Variants in GABPB2 observed in about 807,000 individuals in gnomAD.
GABPB2 encodes GA-binding protein subunit beta-2.
GABPB2 carries 23 observed loss-of-function variants against 39.1 expected under a neutral mutation model. The ratio of observed to expected loss-of-function variants is 0.59; its 90% confidence interval spans 0.42 to 0.83. The LOEUF (loss-of-function observed/expected upper bound fraction) is 0.83. Among genes scored for constraint, GABPB2 ranks in the 40% least tolerant of loss-of-function variants. The pLI, the probability that GABPB2 is intolerant of heterozygous loss-of-function variation, is 0.00. For synonymous variants in GABPB2, 184 were observed against 199.3 expected (o/e 0.92, Z 0.65); for missense variants, 467 against 541.1 (o/e 0.86, Z 1.36).
intron 4 of GABPB2, among the ~76,000 whole-genome samples, chr1:151,094,692 T>C (rs1016664346): frequency 1.4e-5 from 2 of 147,286 alleles, no homozygotes; most frequent in Non-Finnish European, 3.0e-5. Context: ...CAGGGAACAA[T>C]AGGACAGGGG....
intron 2 of GABPB2, among the ~76,000 whole-genome samples, chr1:151,089,704 G>A (rs1179290209): frequency 6.6e-6 from 1 of 152,040 alleles, no homozygotes; most frequent in African/African-American, 2.4e-5. Context: ...TGCCCAGGCT[G>A]GTCTTGATCT....
rs1365952831 is a variant in GABPB2, at chr1:151,124,147, T to A, written c.*5891T>A. On this transcript the variant is annotated 3_prime_UTR_variant, in exon 9 of 9. Coordinates refer to ENST00000368918, the MANE Select transcript of GABPB2 (RefSeq NM_144618.3). ...AAGAAATATCAGTTTGAGAAATGAT[T>A]TTTTTTTCTTTTTTCTTTTCTTTTT... 1 of 149,456 alleles carries A rather than the reference T, an allele frequency of 6.7e-6. No individual in the cohort carries two copies. Among genetic ancestry groups the A allele is most frequent in the African/African-American group, 2.5e-5 (1 of 40,742 alleles). The allele number at this position is 149,456 out of a possible 1,614,324, so 9.3% of individuals were successfully genotyped here.
chr1:151,081,065 G>A (rs184026197), intron 1 of GABPB2, among the ~76,000 whole-genome samples: 6,056 of 150,178 alleles, frequency 0.04, 167 homozygotes, highest in Non-Finnish European at 0.062. Context: ...AGTAGTGACG[G>A]GGTTTCACCA....
At chr1:151,084,539 T>G (rs930315696) in intron 1 of GABPB2, among the ~76,000 whole-genome samples, 7 of 144,998 alleles carry the variant, frequency 4.8e-5, no homozygotes, top group South Asian at 2.2e-4. Context: ...GCTGTTTTTT[T>G]TTTTTTTTTT....
rs1676642794 is a variant in GABPB2, at chr1:151,070,859, T to C, written c.-76T>C. 1 of 151,456 alleles carries C rather than the reference T, an allele frequency of 6.6e-6. No homozygotes were observed. 9.4% of individuals were successfully genotyped at this position (151,456 alleles called of 1,614,324 possible). The stretch of plus-strand genomic sequence containing the variant: ...AAAAGTAACCGTCCTTGACAGGGAG[T>C]CTTAACTAGAGAAGGAAACGGGACT... On this transcript the variant is annotated 5_prime_UTR_variant, in exon 1 of 9. Transcript: ENST00000368918.
At chr1:151,080,498 C>A (rs1571893280) in intron 1 of GABPB2, among the ~76,000 whole-genome samples, 2 of 145,724 alleles carry the variant, frequency 1.4e-5, no homozygotes, top group African/African-American at 5.2e-5. Context: ...GCAACAAGAG[C>A]AAAACTCCAT....
At chr1:151,091,866 A>C (rs887432749) in intron 3 of GABPB2, among the ~76,000 whole-genome samples, 8 of 151,880 alleles carry the variant, frequency 5.3e-5, no homozygotes, top group Non-Finnish European at 8.8e-5. Flanking sequence ...TGCAGTTTTC[A>C]ACATCTGGGT....
Position 151,088,314 on chromosome 1 carries a change from G to C in GABPB2, c.108+17G>C. Reference sequence around the variant, plus strand: ...ACAGACTGGGTAAGCTTAGAGGAGAGGTCTCTTAATTATTTCCAATGTATG... The same window carrying C: ...ACAGACTGGGTAAGCTTAGAGGAGACGTCTCTTAATTATTTCCAATGTATG... On this transcript the variant is annotated intron_variant, in intron 2 of 8. Transcript: ENST00000368918. The C allele has an allele frequency of 6.3e-7, 1 of 1,586,732 alleles. No individual in the cohort carries two copies. The highest frequency in any genetic ancestry group is 8.6e-7 in the Non-Finnish European group (1 of 1,159,542).
In GABPB2 at chr1:151,123,184, G is replaced by C. The variant is rs587727055; in HGVS notation, c.*4928G>C. The stretch of plus-strand genomic sequence containing the variant: ...ATAGCAGACAAAAATGGCTGGGCAC[G>C]GTGGCTCACGCCTGTAATCCCAGCA... On this transcript the variant is annotated 3_prime_UTR_variant, in exon 9 of 9. Transcript: ENST00000368918. 6.6e-6 allele frequency: 1 copy of C among 152,058 alleles called. No homozygotes were observed. The highest frequency in any genetic ancestry group is 1.5e-5 in the Non-Finnish European group (1 of 68,010). 9.4% of individuals were successfully genotyped at this position (152,058 alleles called of 1,614,324 possible).
At position 151,072,663 on chromosome 1, in the gene GABPB2, T is replaced by C. The variant is rs190450482; in HGVS notation, c.-1+1729T>C. On this transcript the variant is annotated intron_variant, in intron 1 of 8. Coordinates refer to ENST00000368918, the MANE Select transcript of GABPB2 (RefSeq NM_144618.3). ...GAGTTCGACACCAGCCTGGCTAACATGGTGAAACCCCATTTCTACTAAAAA... is the reference window on the plus strand; with the variant it reads ...GAGTTCGACACCAGCCTGGCTAACACGGTGAAACCCCATTTCTACTAAAAA... 3.2e-3 allele frequency among the ~76,000 whole-genome samples: 492 copies of C among 151,826 alleles called. 2 individuals are homozygous for C. The highest frequency in any genetic ancestry group is 8.1e-3 in the South Asian group (39 of 4,810).
intron 1 of GABPB2, among the ~76,000 whole-genome samples, chr1:151,080,329 T>C (rs1406381395): frequency 6.8e-6 from 1 of 147,724 alleles, no homozygotes; most frequent in Non-Finnish European, 1.5e-5. Flanking sequence ...CTGACAAACA[T>C]GGAGAAACCC....
intron 3 of GABPB2, among the ~76,000 whole-genome samples, chr1:151,090,929 C>T (rs1004953701): frequency 2.0e-5 from 3 of 150,750 alleles, no homozygotes; most frequent in Non-Finnish European, 4.4e-5. Context: ...ACCTGGGAGG[C>T]GGAGGTTGTG....
intron 5 of GABPB2, 119 bp from the exon 6 acceptor site, chr1:151,103,443 A>G (rs1243170257): frequency 9.7e-6 from 6 of 620,714 alleles, no homozygotes; most frequent in Non-Finnish European, 1.7e-5. Context: ...AGTTTGAGTT[A>G]GAGAACAAGA....
intron 5 of GABPB2, among the ~76,000 whole-genome samples, chr1:151,099,511 C>G (rs1353678893): frequency 3.3e-5 from 5 of 152,106 alleles, no homozygotes; most frequent in African/African-American, 1.2e-4. Flanking sequence ...GTTAGCATCT[C>G]CTTTTATAAA....
intron 1 of GABPB2, among the ~76,000 whole-genome samples, chr1:151,075,168 G>A (rs1161614639): frequency 6.6e-6 from 1 of 151,890 alleles, no homozygotes; most frequent in African/African-American, 2.4e-5. Context: ...CAGGCGCAGT[G>A]GCTCATGCCT....
intron 7 of GABPB2, 50 bp from the exon 8 acceptor site, chr1:151,117,340 CTT>C (rs1191382294): frequency 2.5e-6 from 4 of 1,575,946 alleles, no homozygotes; most frequent in Non-Finnish European, 2.6e-6. Flanking sequence ...AGCAAAACCT[CTT>C]TGTTTTATTA....
intron 5 of GABPB2, among the ~76,000 whole-genome samples, chr1:151,099,020 G>T (rs1571946549): frequency 2.0e-5 from 3 of 149,930 alleles, no homozygotes; most frequent in Admixed American, 6.7e-5. Context: ...GAAGGCGGAG[G>T]TTGCAGTGAG....
At chr1:151,082,566 C>G (rs1677819199) in intron 1 of GABPB2, among the ~76,000 whole-genome samples, 1 of 150,366 alleles carries the variant, frequency 6.7e-6, no homozygotes, top group African/African-American at 2.5e-5. Context: ...CCATGCCCAG[C>G]TAATTTTTTT....
At chr1:151,101,733 G>T (rs1237362093) in intron 5 of GABPB2, among the ~76,000 whole-genome samples, 4 of 152,138 alleles carry the variant, frequency 2.6e-5, no homozygotes, top group African/African-American at 9.7e-5. Context: ...GGACAAAGAA[G>T]GGTAGATTCG....
Sources: gnomAD v4.1 joint callset for allele counts (sites outside exome capture counted in the v4.1 genomes callset) on GRCh38, gnomAD v4.1.1 for gene constraint, MANE v1.5 for transcripts, NCBI Gene and HGNC (gene_info 2026-07-23, HGNC 2026-07-21) for gene names.